The following NUP93 variants were observed in gnomAD, a reference collection of about 807,000 sequenced individuals.
NUP93 encodes the protein nucleoporin 93, also known as nuclear pore complex protein Nup93.
Under a neutral mutation model 107.8 loss-of-function variants are expected in NUP93, and 55 were observed. That is an observed-to-expected ratio of 0.51 (90% CI 0.41 to 0.64). The LOEUF (loss-of-function observed/expected upper bound fraction) is 0.64, where lower values mean the gene tolerates loss of function less well. Ranked by LOEUF, NUP93 falls within the 30% of genes least tolerant of loss-of-function variation. The pLI is 0.00. For missense variants in NUP93, 937 were observed against 1,044.7 expected (o/e 0.90, Z 1.42); for synonymous variants, 390 against 397.5 (o/e 0.98, Z 0.22).
In NUP93 at chr16:56,795,893, C is replaced by T. The variant is rs113456370; in HGVS notation, c.298-2583C>T. Among the ~76,000 whole-genome samples the T allele has an allele frequency of 4.2e-3, 633 of 152,168 alleles. 5 individuals are homozygous for T. The highest frequency in any genetic ancestry group is 0.015 in the African/African-American group (609 of 41,512). On this transcript the variant is annotated intron_variant, in intron 3 of 21. Transcript: ENST00000308159. Reference sequence around the variant, plus strand: ...AACTCCTGACCTCAAGTGATCCACCCGCCTTGGCCTCCCAAAGTGCTGTGA... The same window carrying T: ...AACTCCTGACCTCAAGTGATCCACCTGCCTTGGCCTCCCAAAGTGCTGTGA...
intron 3 of NUP93, among the ~76,000 whole-genome samples, chr16:56,778,081 G>A (rs1962447600): frequency 6.6e-6 from 1 of 152,176 alleles, no homozygotes; most frequent in African/African-American, 2.4e-5. Flanking sequence ...AGATCAAACT[G>A]TCCAAGCTGT....
intron 3 of NUP93, among the ~76,000 whole-genome samples, chr16:56,783,017 G>A (rs1047610531): frequency 2.6e-5 from 4 of 152,142 alleles, no homozygotes; most frequent in Non-Finnish European, 5.9e-5. Context: ...AGCATTATCT[G>A]GAGGGTGATA....
chr16:56,811,723 T>C (rs554467502), intron 5 of NUP93, among the ~76,000 whole-genome samples: 1 of 152,206 alleles, frequency 6.6e-6, no homozygotes, highest in Admixed American at 6.5e-5. Context: ...TGCCCTCCTC[T>C]GTTTCCCAAA....
rs1296932154 is a variant in NUP93 at position 56,847,904 on chromosome 16, A to C, written c.*3295A>C. 1 of 152,180 alleles carries C rather than the reference A, an allele frequency of 6.6e-6. No homozygotes were observed. The highest frequency in any genetic ancestry group is 1.5e-5 in the Non-Finnish European group (1 of 68,038). The allele number at this position is 152,180 out of a possible 1,614,324, so 9.4% of individuals were successfully genotyped here. ...TGATGCATCATTTAAATCCTAGAAC[A>C]GGCAGCTTTAAAGCAAAGAACTACA... is the stretch of plus-strand genomic sequence containing the variant. On this transcript the variant is annotated 3_prime_UTR_variant, in exon 22 of 22. Coordinates refer to ENST00000308159, the MANE Select transcript of NUP93 (RefSeq NM_014669.5).
At chr16:56,815,391 G>A (rs978668754) in intron 5 of NUP93, among the ~76,000 whole-genome samples, 3 of 152,182 alleles carry the variant, frequency 2.0e-5, no homozygotes, top group Non-Finnish European at 4.4e-5. Flanking sequence ...GGAAGACTCA[G>A]AATGAGTCCA....
At chr16:56,822,064 C>A (rs1189314229) in intron 7 of NUP93, among the ~76,000 whole-genome samples, 18 of 147,702 alleles carry the variant, frequency 1.2e-4, no homozygotes, top group African/African-American at 4.3e-4. Flanking sequence ...CCTGCCTCAC[C>A]CTTTATTCCT....
At chr16:56,800,652 C>G (rs1229291322) in intron 4 of NUP93, among the ~76,000 whole-genome samples, 1 of 152,244 alleles carries the variant, frequency 6.6e-6, no homozygotes, top group Non-Finnish European at 1.5e-5. Context: ...GAGCAACTTT[C>G]TGGTATTTTT....
intron 1 of NUP93, 90 bp downstream of exon 1, chr16:56,730,301 C>T (rs1961510652): frequency 6.6e-6 from 1 of 152,384 alleles, no homozygotes; most frequent in Admixed American, 6.5e-5. Flanking sequence ...TCCCCACGCT[C>T]GGAACCCCGC....
At chr16:56,735,081 C>T (rs780696154) in intron 1 of NUP93, among the ~76,000 whole-genome samples, 2 of 152,084 alleles carry the variant, frequency 1.3e-5, no homozygotes, top group Non-Finnish European at 2.9e-5. Flanking sequence ...GAGATGATGT[C>T]GGGCAAATAA....
intron 3 of NUP93, among the ~76,000 whole-genome samples, chr16:56,789,209 G>A (rs1349809251): frequency 6.6e-6 from 1 of 152,222 alleles, no homozygotes; most frequent in Non-Finnish European, 1.5e-5. Context: ...TTGGGCTAAA[G>A]TGTTGCCTGT....
In NUP93 at chr16:56,836,735, CCTT is replaced by C; in HGVS notation, c.1899+22_1899+24del. The stretch of plus-strand genomic sequence containing the variant: ...TTGCCAAGGTAAAGTGTGCCCACTT[CCTT>C]CTTTTGCACTTCACAGGTCTGCTGG... On this transcript the variant is annotated intron_variant, in intron 17 of 21. Coordinates refer to ENST00000308159, the MANE Select transcript of NUP93 (RefSeq NM_014669.5). The C allele has an allele frequency of 1.3e-6, 2 of 1,509,410 alleles. No individual in the cohort carries two copies. Among genetic ancestry groups the C allele is most frequent in the Non-Finnish European group, 1.8e-6 (2 of 1,086,270 alleles). The allele number at this position is 1,509,410 out of a possible 1,614,324, so 93.5% of individuals were successfully genotyped here.
intron 3 of NUP93, among the ~76,000 whole-genome samples, chr16:56,797,405 T>C (rs553133846): frequency 1.8e-4 from 28 of 152,344 alleles, no homozygotes; most frequent in African/African-American, 6.0e-4. Context: ...TCATCTTCCT[T>C]GTTCCTACTC....
intron 4 of NUP93, among the ~76,000 whole-genome samples, chr16:56,802,572 C>T (rs1963044050): frequency 2.1e-5 from 1 of 46,546 alleles, no homozygotes; most frequent in Non-Finnish European, 3.5e-5. Context: ...CACCAACCTT[C>T]TTCCTAATCA....
intron 3 of NUP93, among the ~76,000 whole-genome samples, chr16:56,788,174 C>T (rs941550136): frequency 2.0e-5 from 3 of 152,182 alleles, no homozygotes; most frequent in South Asian, 2.1e-4. Flanking sequence ...CTCTCCCTCC[C>T]CCACTGGACT....
At chr16:56,736,393 T>C (rs1961613574) in intron 1 of NUP93, among the ~76,000 whole-genome samples, 2 of 152,220 alleles carry the variant, frequency 1.3e-5, no homozygotes, top group South Asian at 4.1e-4. Context: ...AGGAATATCA[T>C]GTTATCTGAG....
chr16:56,760,400 A>T (rs1209671534), intron 3 of NUP93, among the ~76,000 whole-genome samples: 1 of 152,166 alleles, frequency 6.6e-6, no homozygotes, highest in Non-Finnish European at 1.5e-5. Flanking sequence ...CATACCTGAG[A>T]CTGGGTAATA....
intron 2 of NUP93, among the ~76,000 whole-genome samples, chr16:56,750,946 C>T (rs1961907573): frequency 6.6e-6 from 1 of 152,080 alleles, no homozygotes; most frequent in South Asian, 2.1e-4. Flanking sequence ...ATCGCTTGAA[C>T]TCAGGAGTTC....
chr16:56,776,285 G>A (rs569792712), intron 3 of NUP93, among the ~76,000 whole-genome samples: 11 of 152,052 alleles, frequency 7.2e-5, no homozygotes, highest in South Asian at 2.1e-4. Flanking sequence ...TTTTCTTTCC[G>A]TTGAGGAGTC....
intron 8 of NUP93, among the ~76,000 whole-genome samples, chr16:56,825,636 T>C (rs1180875333): frequency 6.6e-6 from 1 of 152,208 alleles, no homozygotes; most frequent in Non-Finnish European, 1.5e-5. Flanking sequence ...GCTGCTTTCC[T>C]TGGTTTTAAA....
Sources: gnomAD v4.1 joint callset for allele counts (sites outside exome capture counted in the v4.1 genomes callset) on GRCh38, gnomAD v4.1.1 for gene constraint, MANE v1.5 for transcripts, NCBI Gene and HGNC (gene_info 2026-07-23, HGNC 2026-07-21) for gene names.